Variants in EYA1 observed in about 807,000 individuals in gnomAD.
EYA1 encodes protein phosphatase EYA1.
Under a neutral mutation model 82.0 loss-of-function variants are expected in EYA1, and 16 were observed. The observed-to-expected ratio is 0.20, with a 90% CI of 0.13 to 0.30. EYA1 has a LOEUF of 0.30. Among genes scored for constraint, EYA1 ranks in the 10% least tolerant of loss-of-function variants. The pLI, the probability that EYA1 is intolerant of heterozygous loss-of-function variation, is 1.00. For missense variants in EYA1, 633 were observed against 730.7 expected (o/e 0.87, Z 1.54); for synonymous variants, 261 against 264.4 (o/e 0.99, Z 0.12).
chr8:71,245,497 A>T (rs1812975339), intron 11 of EYA1, among the ~76,000 whole-genome samples: 2 of 151,432 alleles, frequency 1.3e-5, no homozygotes, highest in Admixed American at 1.3e-4. Context: ...AAGTGCTGGG[A>T]TTACAGGCAT....
At position 71,347,544 on chromosome 8, in the gene EYA1, G is replaced by C. The variant is rs760122775; in HGVS notation, c.124+7238C>G. 3.3e-5 allele frequency among the ~76,000 whole-genome samples: 5 copies of C among 152,016 alleles called. No individual in the cohort carries two copies. In the East Asian group the frequency reaches 5.8e-4, roughly 18 times the overall value. The stretch of plus-strand genomic sequence containing the variant: ...TCACCTTGTTATCCAGGATAGTCTC[G>C]ATCTCCTGACCTTGTGCTCTGCCCG... On this transcript the variant is annotated intron_variant, in intron 3 of 17. Coordinates refer to ENST00000340726, the MANE Select transcript of EYA1 (RefSeq NM_000503.6).
intron 9 of EYA1, among the ~76,000 whole-genome samples, chr8:71,272,249 G>C (rs1816634971): frequency 6.6e-6 from 1 of 152,120 alleles, no homozygotes; most frequent in South Asian, 2.1e-4. Context: ...GCCATACTGA[G>C]AGGCTCACAC....
intron 4 of EYA1, among the ~76,000 whole-genome samples, chr8:71,327,459 G>A (rs1290122418): frequency 6.6e-6 from 1 of 152,172 alleles, no homozygotes; most frequent in Non-Finnish European, 1.5e-5. Context: ...AGGCAGTAAA[G>A]ATATTAAGAA....
intron 7 of EYA1, among the ~76,000 whole-genome samples, chr8:71,316,505 G>T (rs1215858040): frequency 6.6e-6 from 1 of 152,042 alleles, no homozygotes; most frequent in Non-Finnish European, 1.5e-5. Context: ...AAAACAGCAG[G>T]CTGCAATACT....
chr8:71,297,988 C>T (rs1819775402), intron 9 of EYA1, among the ~76,000 whole-genome samples: 2 of 152,024 alleles, frequency 1.3e-5, no homozygotes, highest in Admixed American at 1.3e-4. Flanking sequence ...TAGAATAAAG[C>T]AATGTCTGCA....
intron 17 of EYA1, among the ~76,000 whole-genome samples, chr8:71,201,096 T>C (rs1311733137): frequency 1.3e-5 from 2 of 149,060 alleles, no homozygotes; most frequent in African/African-American, 5.0e-5. Context: ...TAGTAAGCCC[T>C]GCTAAGGAGT....
rs144156456 is a variant in EYA1 at position 71,212,261 on chromosome 8, C to T, written c.1598-1005G>A. Among the ~76,000 whole-genome samples, 207 of 152,308 alleles carry T rather than the reference C, an allele frequency of 1.4e-3. 1 individual carries two copies. The highest frequency in any genetic ancestry group is 4.2e-3 in the African/African-American group (174 of 41,562). On this transcript the variant is annotated intron_variant, in intron 16 of 17. Transcript: ENST00000340726. The stretch of plus-strand genomic sequence containing the variant: ...GTCTGCTTTATATTTGTATTTTGCA[C>T]TAAAATCTCTAGTTTGCATCTGACA...
chr8:71,347,818 C>T (rs1188301352), intron 3 of EYA1, among the ~76,000 whole-genome samples: 1 of 146,786 alleles, frequency 6.8e-6, no homozygotes, highest in Non-Finnish European at 1.5e-5. Flanking sequence ...CATAAACATA[C>T]CTCTTTGGAA....
At chr8:71,488,504 T>C (rs1810739893) in intron 2 of EYA1, among the ~76,000 whole-genome samples, 1 of 152,152 alleles carries the variant, frequency 6.6e-6, no homozygotes, top group South Asian at 2.1e-4. Flanking sequence ...ATGGTTCAAT[T>C]TATATATGCA....
At chr8:71,297,476 T>C (rs66583449) in intron 9 of EYA1, among the ~76,000 whole-genome samples, 23,407 of 152,120 alleles carry the variant, frequency 0.15, 2,615 homozygotes, top group East Asian at 0.44. Context: ...ATAATATTAT[T>C]CGCTGTCTCC....
At chr8:71,347,126 A>G (rs543186654) in intron 3 of EYA1, among the ~76,000 whole-genome samples, 2 of 152,320 alleles carry the variant, frequency 1.3e-5, no homozygotes, top group South Asian at 2.1e-4. Flanking sequence ...GCAAGAACTC[A>G]GCTTTTTGGC....
intron 2 of EYA1, among the ~76,000 whole-genome samples, chr8:71,445,988 C>T (rs1806845590): frequency 6.6e-6 from 1 of 152,178 alleles, no homozygotes. Flanking sequence ...TTGATTGAAA[C>T]AAATAAGCCT....
chr8:71,253,436 A>G lies in EYA1; in HGVS notation c.1051-8744T>C, dbSNP rs946011774. Among the ~76,000 whole-genome samples, 12 of 152,322 alleles carry G rather than the reference A, an allele frequency of 7.9e-5. No individual in the cohort carries two copies. In the South Asian group the frequency reaches 8.3e-4, roughly 11 times the overall value. On this transcript the variant is annotated intron_variant, in intron 11 of 17. Transcript: ENST00000340726. ...TCATCAAACTGATTATATAGGGGAA[A>G]GGTGGTCTATTCTTTGGCTCTCTGA...
At chr8:71,515,620 T>C (rs995600333) in intron 2 of EYA1, among the ~76,000 whole-genome samples, 3 of 152,262 alleles carry the variant, frequency 2.0e-5, no homozygotes, top group Non-Finnish European at 2.9e-5. Context: ...ATGTAAAACA[T>C]TTCTTAACCC....
intron 11 of EYA1, among the ~76,000 whole-genome samples, chr8:71,245,554 C>T (rs1434573797): frequency 6.6e-6 from 1 of 150,868 alleles, no homozygotes; most frequent in East Asian, 1.9e-4. Flanking sequence ...TTTTTTAGCT[C>T]ATCAGCTAAC....
intron 2 of EYA1, among the ~76,000 whole-genome samples, chr8:71,522,478 T>C (rs1163924083): frequency 6.6e-6 from 1 of 152,194 alleles, no homozygotes; most frequent in Non-Finnish European, 1.5e-5. Context: ...GCACTGGACA[T>C]CTCCAAAGAA....
chr8:71,237,324 C>A (rs915773099), intron 12 of EYA1, among the ~76,000 whole-genome samples: 3 of 152,272 alleles, frequency 2.0e-5, no homozygotes, highest in Admixed American at 6.5e-5. Context: ...TGAAATCCAA[C>A]ATTTTTCGTC....
intron 6 of EYA1, among the ~76,000 whole-genome samples, chr8:71,317,906 CTT>C (rs898617854): frequency 7.2e-5 from 11 of 152,124 alleles, no homozygotes; most frequent in South Asian, 2.1e-4. Context: ...ATTATTCTCT[CTT>C]GTTTTATTGC....
At chr8:71,334,994 C>T (rs1563487946) in intron 3 of EYA1, among the ~76,000 whole-genome samples, 1 of 152,176 alleles carries the variant, frequency 6.6e-6, no homozygotes, top group African/African-American at 2.4e-5. Flanking sequence ...AACTTCAGCA[C>T]ATCTGCCTTT....
Sources: gnomAD v4.1 joint callset for allele counts (sites outside exome capture counted in the v4.1 genomes callset) on GRCh38, gnomAD v4.1.1 for gene constraint, MANE v1.5 for transcripts, NCBI Gene and HGNC (gene_info 2026-07-23, HGNC 2026-07-21) for gene names.